TENM4: variants seen among roughly 807,000 people sequenced by gnomAD.
TENM4 encodes teneurin-4.
Under a neutral mutation model 243.3 loss-of-function variants are expected in TENM4, and 82 were observed. That is an observed-to-expected ratio of 0.34 (90% CI 0.28 to 0.40). The LOEUF is 0.40. TENM4 is among the 10% of genes least tolerant of loss of function. The pLI, the probability that TENM4 is intolerant of heterozygous loss-of-function variation, is 1.00. For synonymous variants in TENM4, 1,412 were observed against 1,456.3 expected (o/e 0.97, Z 0.69); for missense variants, 3,138 against 3,673.3 (o/e 0.85, Z 3.77).
At chr11:79,103,527 T>C (rs1261255687) in intron 4 of TENM4, among the ~76,000 whole-genome samples, 1 of 152,142 alleles carries the variant, frequency 6.6e-6, no homozygotes, top group Non-Finnish European at 1.5e-5. Context: ...GTCCGTCCTC[T>C]TAGCATCACT....
chr11:79,010,678 C>A (rs1858622096), intron 6 of TENM4, among the ~76,000 whole-genome samples: 1 of 152,156 alleles, frequency 6.6e-6, no homozygotes, highest in South Asian at 2.1e-4. Context: ...GTGAGACTTA[C>A]TATCACGGGA....
At chr11:78,788,896 C>G (rs1856994534) in intron 15 of TENM4, among the ~76,000 whole-genome samples, 1 of 152,176 alleles carries the variant, frequency 6.6e-6, no homozygotes, top group Admixed American at 6.5e-5. Flanking sequence ...ACAGAGCACC[C>G]TCCCTGTTAG....
intron 15 of TENM4, among the ~76,000 whole-genome samples, chr11:78,799,796 C>T (rs1283875737): frequency 6.6e-6 from 1 of 152,246 alleles, no homozygotes; most frequent in Non-Finnish European, 1.5e-5. Context: ...GAGCATTTTA[C>T]AGGCAAAATC....
chr11:78,918,899 T>C lies in TENM4; in HGVS notation c.494-15376A>G, dbSNP rs948796522. Among the ~76,000 whole-genome samples the C allele has an allele frequency of 3.3e-5, 5 of 152,212 alleles. No homozygotes were observed. In the East Asian group the frequency reaches 5.8e-4, roughly 18 times the overall value. Reference sequence around the variant, plus strand: ...AGAGGACAAGTGCTTCAGAGTCCGGTTGACATGGGTTTGAATCCCAGCTCT... The same window carrying C: ...AGAGGACAAGTGCTTCAGAGTCCGGCTGACATGGGTTTGAATCCCAGCTCT... On this transcript the variant is annotated intron_variant, in intron 6 of 33. Coordinates refer to ENST00000278550, the MANE Select transcript of TENM4 (RefSeq NM_001098816.3).
Position 79,064,941 on chromosome 11 carries a change from C to T in TENM4, c.290G>A (p.Arg97Gln), listed in dbSNP as rs1056419910. 2.0e-5 allele frequency: 30 copies of T among 1,525,254 alleles called. No individual in the cohort carries two copies. The highest frequency in any genetic ancestry group is 1.2e-4 in the Admixed American group (6 of 49,226). 94.5% of individuals were successfully genotyped at this position (1,525,254 alleles called of 1,614,324 possible). Residue 97 changes from arginine to glutamine, a missense_variant, in exon 6 of 34, where the codon CGG becomes CAG. Physicochemically the swap from Arg to Gln is conservative, Grantham distance 43. Coordinates refer to ENST00000278550, the MANE Select transcript of TENM4 (RefSeq NM_001098816.3). ...EVTPPHGTLY[R>Q]TDIGLPHCGY... ...GCAGTGGGGGAGGCCAATGTCTGTC[C>T]GGTACAGGGTCCCGTGAGGGGGCGT...
At chr11:79,402,561 G>A (rs1317465342) in intron 1 of TENM4, among the ~76,000 whole-genome samples, 2 of 151,974 alleles carry the variant, frequency 1.3e-5, no homozygotes, top group African/African-American at 4.8e-5. Context: ...CTGTCTCTTG[G>A]TCCCACCCAC....
At chr11:79,151,561 C>G (rs1280080877) in intron 3 of TENM4, among the ~76,000 whole-genome samples, 2 of 152,130 alleles carry the variant, frequency 1.3e-5, no homozygotes, top group Admixed American at 1.3e-4. Context: ...TGGTCAAGGA[C>G]AGTCATCCAT....
At position 78,903,452 on chromosome 11, in the gene TENM4, G is replaced by T; in HGVS notation, c.565C>A (p.Pro189Thr). 1 of 1,549,012 alleles carries T rather than the reference G, an allele frequency of 6.5e-7. No individual in the cohort carries two copies. Residue 189 changes from proline (P) to threonine (T), a missense_variant, in exon 7 of 34, where the codon CCC becomes ACC. Coordinates refer to ENST00000278550, the MANE Select transcript of TENM4 (RefSeq NM_001098816.3). ...PPPPLSHAHT[P>T]NQHHAASINS... is the part of the protein sequence containing the mutation. ...ATGGAGGCCGCGTGGTGCTGGTTGG[G>T]GGTGTGGGCGTGCGAGAGCGGCGGC...
At chr11:79,362,520 G>A (rs2135495369) in intron 1 of TENM4, among the ~76,000 whole-genome samples, 1 of 152,300 alleles carries the variant, frequency 6.6e-6, no homozygotes, top group East Asian at 1.9e-4. Context: ...TTCCAGGCAA[G>A]GTGTTCATTT....
intron 6 of TENM4, among the ~76,000 whole-genome samples, chr11:79,043,980 A>G (rs1022621272): frequency 6.6e-6 from 1 of 152,162 alleles, no homozygotes; most frequent in African/African-American, 2.4e-5. Flanking sequence ...CCGGTTTTGC[A>G]CTAAGCCATA....
intron 19 of TENM4, among the ~76,000 whole-genome samples, chr11:78,739,819 G>A (rs1450178825): frequency 6.6e-6 from 1 of 152,152 alleles, no homozygotes; most frequent in Non-Finnish European, 1.5e-5. Flanking sequence ...CTAAGTTAGT[G>A]GAACTTTCTC....
chr11:79,067,395 C>T (rs1359275116), intron 5 of TENM4, among the ~76,000 whole-genome samples: 2 of 152,234 alleles, frequency 1.3e-5, no homozygotes, highest in East Asian at 3.8e-4. Flanking sequence ...TGCTCTCGCC[C>T]CCTGTCCCCA....
chr11:78,831,997 A>C lies in TENM4; in HGVS notation c.1682-17602T>G, dbSNP rs572874339. Among the ~76,000 whole-genome samples the C allele has an allele frequency of 3.3e-5, 5 of 152,348 alleles. No individual in the cohort carries two copies. In the South Asian group the frequency reaches 1.0e-3, roughly 32 times the overall value. ...TATGAGAGCCTATTGCAAGTCAGGC[A>C]CAGTGCTGGTACATTGCATTGTGTC... On this transcript the variant is annotated intron_variant, in intron 12 of 33. Transcript: ENST00000278550.
chr11:78,904,937 T>C (rs1856030344), intron 6 of TENM4, among the ~76,000 whole-genome samples: 1 of 152,202 alleles, frequency 6.6e-6, no homozygotes, highest in Non-Finnish European at 1.5e-5. Flanking sequence ...GCAGATGATA[T>C]TATGCGGGTG....
intron 1 of TENM4, among the ~76,000 whole-genome samples, chr11:79,364,739 A>G (rs1857647569): frequency 6.6e-6 from 1 of 152,228 alleles, no homozygotes; most frequent in South Asian, 2.1e-4. Flanking sequence ...CACATCTGTA[A>G]ATGCCACAGT....
intron 4 of TENM4, among the ~76,000 whole-genome samples, chr11:79,136,450 C>A (rs1862111945): frequency 6.6e-6 from 1 of 152,164 alleles, no homozygotes; most frequent in Non-Finnish European, 1.5e-5. Context: ...TGCATGAGCT[C>A]AGCAACATGT....
chr11:78,864,711 C>T (rs1045680240), intron 9 of TENM4, among the ~76,000 whole-genome samples: 13 of 152,154 alleles, frequency 8.5e-5, no homozygotes, highest in Admixed American at 7.9e-4. Context: ...ATTCCCCACA[C>T]ATGGAAGTAA....
chr11:78,984,488 C>T (rs886448757), intron 6 of TENM4, among the ~76,000 whole-genome samples: 2 of 152,146 alleles, frequency 1.3e-5, no homozygotes, highest in Admixed American at 6.5e-5. Flanking sequence ...GGTAACTCTC[C>T]AACCTCTTAC....
At chr11:78,789,363 C>G (rs1239519803) in intron 15 of TENM4, among the ~76,000 whole-genome samples, 2 of 152,318 alleles carry the variant, frequency 1.3e-5, no homozygotes, top group East Asian at 3.9e-4. Context: ...TGTTCAAGCT[C>G]TTTTCCTTTC....
Sources: allele counts gnomAD v4.1 joint callset (sites outside exome capture counted in the v4.1 genomes callset), GRCh38; gene constraint gnomAD v4.1.1; transcripts MANE v1.5; gene names NCBI Gene and HGNC (gene_info 2026-07-23, HGNC 2026-07-21).